IL2RA: variants seen among roughly 807,000 people sequenced by gnomAD.
The protein encoded by IL2RA is interleukin 2 receptor subunit alpha.
IL2RA carries 24 observed loss-of-function variants against 37.8 expected under a neutral mutation model. That is an observed-to-expected ratio of 0.63 (90% CI 0.46 to 0.89). IL2RA has a LOEUF of 0.89. IL2RA is among the 40% of genes least tolerant of loss of function. The pLI is 0.00. For missense variants in IL2RA, 319 were observed against 348.6 expected (o/e 0.92, Z 0.68); for synonymous variants, 125 against 114.6 (o/e 1.09, Z -0.58).
Position 6,015,192 on chromosome 10 carries a change from A to C in IL2RA, c.795-2296T>G, listed in dbSNP as rs1166461674. Among the ~76,000 whole-genome samples the C allele has an allele frequency of 2.0e-5, 3 of 151,562 alleles. No homozygotes were observed. Among genetic ancestry groups the C allele is most frequent in the South Asian group, 2.1e-4 (1 of 4,808 alleles). ...ACTGCAGCCTCTGCCTCCTGGGTTC[A>C]AGCGATTCTCCTGCATCAGCCTCCC... On this transcript the variant is annotated intron_variant, in intron 7 of 7. Transcript: ENST00000379959. The surrounding 1 kb of genome is among the most constrained non-coding windows in gnomAD (Gnocchi z 4.9).
chr10:6,060,347 A>G (rs1300079937), intron 1 of IL2RA, among the ~76,000 whole-genome samples: 3 of 152,130 alleles, frequency 2.0e-5, no homozygotes, highest in Non-Finnish European at 4.4e-5. Flanking sequence ...AAAATCTTAC[A>G]ACGCATTGGG....
chr10:6,021,365 C>T lies in IL2RA; in HGVS notation c.583+113G>A. On this transcript the variant is annotated intron_variant, in intron 4 of 7. Coordinates refer to ENST00000379959, the MANE Select transcript of IL2RA (RefSeq NM_000417.3). This position sits in a 1 kb window ranked among gnomAD's most constrained non-coding sequence, Gnocchi z 4.9. The stretch of plus-strand genomic sequence containing the variant: ...AGAAAAAATGGAAGCCCAGGGAGAT[C>T]AAGGGTCTTGTCCAAGGACCACTCT... The T allele has an allele frequency of 1.1e-6, 1 of 915,332 alleles. No individual in the cohort carries two copies. Among genetic ancestry groups the T allele is most frequent in the Middle Eastern group, 3.3e-4 (1 of 3,068 alleles). 56.7% of individuals were successfully genotyped at this position (915,332 alleles called of 1,614,324 possible). A position where few individuals can be genotyped will look rare whatever the true frequency, so the allele number is the denominator to read the frequency against.
chr10:6,037,839 C>A (rs1487325470), intron 1 of IL2RA, among the ~76,000 whole-genome samples: 6 of 152,116 alleles, frequency 3.9e-5, no homozygotes, highest in Non-Finnish European at 8.8e-5. Flanking sequence ...CTGTGGGAGA[C>A]TGGAAAGAGG....
At chr10:6,032,989 T>C (rs1839624532) in intron 1 of IL2RA, among the ~76,000 whole-genome samples, 1 of 152,218 alleles carries the variant, frequency 6.6e-6, no homozygotes, top group African/African-American at 2.4e-5. Flanking sequence ...GATAAAAGAC[T>C]GATACGTCAA....
In IL2RA at chr10:6,022,105, C is replaced by G. The variant is rs1408173954; in HGVS notation, c.368-412G>C. On this transcript the variant is annotated intron_variant, in intron 3 of 7. Transcript: ENST00000379959. This position sits in a 1 kb window ranked among gnomAD's most constrained non-coding sequence, Gnocchi z 4.7. Reference sequence around the variant, plus strand: ...CTCAGCTGAGACACAAGGGTAGGCTCAAGCCTATTTGGGCCAATGGAGCAT... The same window carrying G: ...CTCAGCTGAGACACAAGGGTAGGCTGAAGCCTATTTGGGCCAATGGAGCAT... Among the ~76,000 whole-genome samples, 1 of 151,982 alleles carries G rather than the reference C, an allele frequency of 6.6e-6. No homozygotes were observed. The highest frequency in any genetic ancestry group is 2.1e-4 in the South Asian group (1 of 4,818).
Position 6,019,301 on chromosome 10 carries a change from TATCA to T in IL2RA, c.727+123_727+126del. 6.3e-6 allele frequency: 5 copies of T among 792,348 alleles called. No individual in the cohort carries two copies. The South Asian group carries it at 6.7e-5, about 11-fold the overall frequency. 49.1% of individuals were successfully genotyped at this position (792,348 alleles called of 1,614,324 possible). Reference sequence around the variant, plus strand: ...TTACCAATCAACTAGCCAACCTACCTATCAACCTACCAGTCAACCAACTAACCAA... The same window carrying T: ...TTACCAATCAACTAGCCAACCTACCTACCTACCAGTCAACCAACTAACCAA... On this transcript the variant is annotated intron_variant, in intron 6 of 7. Coordinates refer to ENST00000379959, the MANE Select transcript of IL2RA (RefSeq NM_000417.3).
intron 1 of IL2RA, among the ~76,000 whole-genome samples, chr10:6,051,671 CA>C: frequency 6.8e-6 from 1 of 147,028 alleles, no homozygotes; most frequent in South Asian, 2.2e-4. Flanking sequence ...AGGCATGTGC[CA>C]CCACACCTGG....
chr10:6,026,189 G>C (rs1839480756), intron 1 of IL2RA, 164 bp from the exon 2 acceptor site: 1 of 728,594 alleles, frequency 1.4e-6, no homozygotes, highest in Admixed American at 2.4e-5. Context: ...TTGTTCTTTA[G>C]AAAGCTTTGT....
At position 6,031,522 on chromosome 10, in the gene IL2RA, G is replaced by GTATATATA. The variant is rs57251959; in HGVS notation, c.65-5505_65-5498dup. ...TATATATATATATATGTATATATAT[G>GTATATATA]TATATATATATCACTTGTAGTTAGT... On this transcript the variant is annotated intron_variant, in intron 1 of 7. Transcript: ENST00000379959. Among the ~76,000 whole-genome samples the GTATATATA allele has an allele frequency of 5.4e-4, 36 of 67,102 alleles. 1 individual carries two copies. The highest frequency in any genetic ancestry group is 1.7e-3 in the African/African-American group (33 of 19,476). The allele number at this position is 67,102 out of a possible 152,430, so 44.0% of individuals were successfully genotyped here.
Position 6,022,240 on chromosome 10 carries a change from G to A in IL2RA, c.368-547C>T, listed in dbSNP as rs1839400218. 1.3e-5 allele frequency among the ~76,000 whole-genome samples: 2 copies of A among 152,206 alleles called. No individual in the cohort carries two copies. The highest frequency in any genetic ancestry group is 4.8e-5 in the African/African-American group (2 of 41,442). On this transcript the variant is annotated intron_variant, in intron 3 of 7. Coordinates refer to ENST00000379959, the MANE Select transcript of IL2RA (RefSeq NM_000417.3). This position sits in a 1 kb window ranked among gnomAD's most constrained non-coding sequence, Gnocchi z 4.7. ...GGATTGGGGACAACACCAAAGCCAG[G>A]AGGAGGGACGGGCTGAGGGAACCTC...
rs1013618132 is a variant in IL2RA at position 6,018,253 on chromosome 10, A to G, written c.728-134T>C. The G allele has an allele frequency of 2.8e-6, 2 of 713,558 alleles. No individual in the cohort carries two copies. The highest frequency in any genetic ancestry group is 3.0e-5 in the South Asian group (2 of 66,400). The allele number at this position is 713,558 out of a possible 1,614,324, so 44.2% of individuals were successfully genotyped here. A position where few individuals can be genotyped will look rare whatever the true frequency, so the allele number is the denominator to read the frequency against. On this transcript the variant is annotated intron_variant, in intron 6 of 7. Transcript: ENST00000379959. This position sits in a 1 kb window ranked among gnomAD's most constrained non-coding sequence, Gnocchi z 5.1. ...GGCTGCAGCCTCTCTTCCCTGTCTC[A>G]GGAAGTAGGTCCCTCCCCATGGGAT...
In IL2RA at chr10:6,033,956, G is replaced by T. The variant is rs1323216503; in HGVS notation, c.65-7931C>A. Among the ~76,000 whole-genome samples the T allele has an allele frequency of 1.3e-5, 2 of 152,174 alleles. No homozygotes were observed. Among genetic ancestry groups the T allele is most frequent in the Non-Finnish European group, 2.9e-5 (2 of 68,034 alleles). On this transcript the variant is annotated intron_variant, in intron 1 of 7. Transcript: ENST00000379959. This position sits in a 1 kb window ranked among gnomAD's most constrained non-coding sequence, Gnocchi z 4.3. ...GCTACTCTTTTGTAATTATTCATTAGCACAAATAACCAGGATTGACCTCAG... is the reference window on the plus strand; with the variant it reads ...GCTACTCTTTTGTAATTATTCATTATCACAAATAACCAGGATTGACCTCAG...
At chr10:6,055,418 CTTTTTTTTTTTTTTT>C (rs573415550) in intron 1 of IL2RA, among the ~76,000 whole-genome samples, 3 of 5,186 alleles carry the variant, frequency 5.8e-4, no homozygotes, top group African/African-American at 9.3e-4. Context: ...TTGGCCATCA[CTTTTTTTTTTTTTTT>C]TTTTTTTTTT....
In IL2RA at chr10:6,055,418, CTTTTTTTTTTTTTTTTTTTT is replaced by C. The variant is rs573415550; in HGVS notation, c.64+6650_64+6669del. 9.6e-4 allele frequency among the ~76,000 whole-genome samples: 5 copies of C among 5,186 alleles called. 2 individuals carry two copies. The East Asian group carries it at 0.011, about 12-fold the overall frequency. The allele number at this position is 5,186 out of a possible 152,430, so 3.4% of individuals were successfully genotyped here. A position where few individuals can be genotyped will look rare whatever the true frequency, so the allele number is the denominator to read the frequency against. ...TTCATCTTATGAGTCTTGGCCATCA[CTTTTTTTTTTTTTTTTTTTT>C]TTTTTTTTTTTTTTTCACCGCCCTT... On this transcript the variant is annotated intron_variant, in intron 1 of 7. Coordinates refer to ENST00000379959, the MANE Select transcript of IL2RA (RefSeq NM_000417.3).
chr10:6,031,494 GTATATATATA>G (rs61619651), intron 1 of IL2RA, among the ~76,000 whole-genome samples: 1,064 of 27,288 alleles, frequency 0.039, 38 homozygotes, highest in East Asian at 0.32. Context: ...ATATATATAT[GTATATATATA>G]TATATATGTA....
At chr10:6,055,043 G>A (rs1042928671) in intron 1 of IL2RA, among the ~76,000 whole-genome samples, 6 of 152,250 alleles carry the variant, frequency 3.9e-5, no homozygotes, top group East Asian at 3.9e-4. Context: ...AAAGCAATGC[G>A]TATTTATTCT....
At position 6,058,078 on chromosome 10, in the gene IL2RA, T is replaced by G. The variant is rs1180622064; in HGVS notation, c.64+4010A>C. Reference sequence around the variant, plus strand: ...GGAGGCAGAGGTTGCAGTGAGCCAATATCTCGCCACTGCACTCCAGCCTGA... The same window carrying G: ...GGAGGCAGAGGTTGCAGTGAGCCAAGATCTCGCCACTGCACTCCAGCCTGA... On this transcript the variant is annotated intron_variant, in intron 1 of 7. Transcript: ENST00000379959. This position sits in a 1 kb window ranked among gnomAD's most constrained non-coding sequence, Gnocchi z 4.2. Among the ~76,000 whole-genome samples the G allele has an allele frequency of 6.6e-6, 1 of 151,880 alleles. No homozygotes were observed. The highest frequency in any genetic ancestry group is 2.4e-5 in the African/African-American group (1 of 41,292).
chr10:6,031,559 A>G (rs1839594614), intron 1 of IL2RA, among the ~76,000 whole-genome samples: 1 of 144,716 alleles, frequency 6.9e-6, no homozygotes, highest in Admixed American at 7.0e-5. Context: ...CTATATACTG[A>G]CACAACCAAT....
intron 1 of IL2RA, chr10:6,039,316 A>G (rs1564548642): frequency 1.3e-5 from 2 of 152,238 alleles, no homozygotes; most frequent in Non-Finnish European, 2.9e-5. Context: ...AAAACATAAC[A>G]CTTACGTACT....
Sources: gnomAD v4.1 joint callset for allele counts (sites outside exome capture counted in the v4.1 genomes callset) on GRCh38, gnomAD v4.1.1 for gene constraint, Gnocchi (gnomAD v3.1) non-coding constraint, MANE v1.5 for transcripts, NCBI Gene and HGNC (gene_info 2026-07-23, HGNC 2026-07-21) for gene names.